TSPAN11: variants seen among roughly 807,000 people sequenced by gnomAD.
TSPAN11 encodes the protein tetraspanin 11.
In TSPAN11, 29 loss-of-function variants were observed where a neutral mutation model predicts 32.9. The observed-to-expected ratio is 0.88, with a 90% CI of 0.66 to 1.20. The LOEUF (loss-of-function observed/expected upper bound fraction) is 1.20. TSPAN11 is among the 50% of genes most tolerant of loss of function. The pLI is 0.00. For missense variants in TSPAN11, 283 were observed against 329.1 expected (o/e 0.86, Z 1.08); for synonymous variants, 140 against 141.3 (o/e 0.99, Z 0.07).
Position 30,996,051 on chromosome 12 carries a change from G to C in TSPAN11, c.*4136G>C, listed in dbSNP as rs1259887290. On this transcript the variant is annotated 3_prime_UTR_variant, in exon 8 of 8. Coordinates refer to ENST00000546076, the MANE Select transcript of TSPAN11 (RefSeq NM_001370302.1). Reference sequence around the variant, plus strand: ...ATTCCCGACTCGCTCCACCATTGGGGGCTAGGAGTGAAGCGTGTCACCATG... The same window carrying C: ...ATTCCCGACTCGCTCCACCATTGGGCGCTAGGAGTGAAGCGTGTCACCATG... The C allele has an allele frequency of 6.6e-6, 1 of 152,312 alleles. No homozygotes were observed. The highest frequency in any genetic ancestry group is 2.4e-5 in the African/African-American group (1 of 41,438). The allele number at this position is 152,312 out of a possible 1,614,324, so 9.4% of individuals were successfully genotyped here.
At chr12:30,966,042 T>G in intron 3 of TSPAN11, among the ~76,000 whole-genome samples, 1 of 150,162 alleles carries the variant, frequency 6.7e-6, no homozygotes, top group Non-Finnish European at 1.5e-5. Flanking sequence ...TTTTAGCTGA[T>G]CAGCTGTCGT....
At chr12:30,971,106 G>T (rs1273339042) in intron 3 of TSPAN11, among the ~76,000 whole-genome samples, 2 of 152,088 alleles carry the variant, frequency 1.3e-5, no homozygotes, top group African/African-American at 4.8e-5. Flanking sequence ...TTTGGCTGTT[G>T]ATGCCCTGTT....
the TSPAN11 span, among the ~76,000 whole-genome samples, chr12:31,014,722 C>T: frequency 1.3e-5 from 2 of 152,288 alleles, no homozygotes; most frequent in Admixed American, 1.3e-4. Flanking sequence ...CAGTAACCAG[C>T]CCCTCCTGTG....
rs1363281963 is a variant in TSPAN11 at position 30,993,784 on chromosome 12, GAA to G, written c.*1871_*1872del. On this transcript the variant is annotated 3_prime_UTR_variant, in exon 8 of 8. Transcript: ENST00000546076. ...GACAGAGGGAGAGTGGTGAGAGAGAGAAAGAGGGTACTGGGCTAGAGCCATGT... is the reference window on the plus strand; with the variant it reads ...GACAGAGGGAGAGTGGTGAGAGAGAGAGAGGGTACTGGGCTAGAGCCATGT... 1 of 152,340 alleles carries G rather than the reference GAA, an allele frequency of 6.6e-6. No homozygotes were observed. The highest frequency in any genetic ancestry group is 1.9e-4 in the East Asian group (1 of 5,202). 9.4% of individuals were successfully genotyped at this position (152,340 alleles called of 1,614,324 possible). A position where few individuals can be genotyped will look rare whatever the true frequency, so the allele number is the denominator to read the frequency against.
chr12:30,960,613 A>C (rs928941689), intron 2 of TSPAN11, among the ~76,000 whole-genome samples: 2 of 151,982 alleles, frequency 1.3e-5, no homozygotes, highest in Non-Finnish European at 2.9e-5. Flanking sequence ...CTTTCCTATG[A>C]ACATAAAGTT....
At chr12:30,931,241 C>G (rs928778620) in intron 1 of TSPAN11, among the ~76,000 whole-genome samples, 3 of 152,022 alleles carry the variant, frequency 2.0e-5, no homozygotes, top group Admixed American at 2.0e-4. Flanking sequence ...GATTAATAAT[C>G]AAAGACCCTA....
chr12:30,967,804 A>T (rs1282901515), intron 3 of TSPAN11, among the ~76,000 whole-genome samples: 1 of 151,964 alleles, frequency 6.6e-6, no homozygotes, highest in Non-Finnish European at 1.5e-5. Flanking sequence ...ATGGCCTAGA[A>T]TCTGCTTTCT....
downstream of TSPAN11, chr12:30,997,443 G>A (rs2140319530): frequency 6.5e-6 from 1 of 152,682 alleles, no homozygotes; most frequent in East Asian, 1.9e-4. Flanking sequence ...GCATGGCTGG[G>A]AGGCCTCAGG....
chr12:30,955,286 A>G (rs141570460), intron 2 of TSPAN11: 3 of 152,346 alleles, frequency 2.0e-5, no homozygotes, highest in Admixed American at 6.5e-5. Flanking sequence ...GTTTCCTGCA[A>G]TAGTGAAGTT....
At chr12:30,986,490 G>T (rs1264815235) in intron 7 of TSPAN11, among the ~76,000 whole-genome samples, 1 of 152,178 alleles carries the variant, frequency 6.6e-6, no homozygotes, top group East Asian at 1.9e-4. Flanking sequence ...CTAGCATGAC[G>T]GCCTCCCCTC....
At chr12:30,989,663 T>C (rs1203959716) in intron 7 of TSPAN11, among the ~76,000 whole-genome samples, 1 of 152,062 alleles carries the variant, frequency 6.6e-6, no homozygotes, top group Admixed American at 6.6e-5. Context: ...GCTTGCAAGA[T>C]GGTAACATGT....
chr12:30,993,629 C>G lies in TSPAN11; in HGVS notation c.*1714C>G, dbSNP rs535862420. On this transcript the variant is annotated 3_prime_UTR_variant, in exon 8 of 8. Coordinates refer to ENST00000546076, the MANE Select transcript of TSPAN11 (RefSeq NM_001370302.1). Reference sequence around the variant, plus strand: ...CCAGATATCCCAGACTGCACAGAGGCCGAGAGAAATGGTATAGTGCGTGAT... The same window carrying G: ...CCAGATATCCCAGACTGCACAGAGGGCGAGAGAAATGGTATAGTGCGTGAT... 6.6e-6 allele frequency: 1 copy of G among 152,360 alleles called. No individual in the cohort carries two copies. Among genetic ancestry groups the G allele is most frequent in the African/African-American group, 2.4e-5 (1 of 41,574 alleles). 9.4% of individuals were successfully genotyped at this position (152,360 alleles called of 1,614,324 possible). A position where few individuals can be genotyped will look rare whatever the true frequency, so the allele number is the denominator to read the frequency against.
chr12:30,977,207 T>G (rs780609261), intron 3 of TSPAN11, among the ~76,000 whole-genome samples: 2 of 152,222 alleles, frequency 1.3e-5, no homozygotes, highest in African/African-American at 2.4e-5. Flanking sequence ...TGCTGAGTCG[T>G]GCAGGAGATG....
the TSPAN11 span, among the ~76,000 whole-genome samples, chr12:31,007,820 A>C: frequency 1.3e-5 from 2 of 152,138 alleles, no homozygotes; most frequent in Non-Finnish European, 2.9e-5. Flanking sequence ...CAGGGACAAC[A>C]TGTCAGTTCC....
At chr12:30,991,330 G>A (rs887927994) in intron 7 of TSPAN11, among the ~76,000 whole-genome samples, 8 of 152,178 alleles carry the variant, frequency 5.3e-5, no homozygotes, top group East Asian at 1.9e-4. Flanking sequence ...CCAGAGCATC[G>A]AAGATGGACC....
At position 30,955,937 on chromosome 12, in the gene TSPAN11, C is replaced by T. The variant is rs193069687; in HGVS notation, c.84+1862C>T. On this transcript the variant is annotated intron_variant, in intron 2 of 7. Transcript: ENST00000546076. The stretch of plus-strand genomic sequence containing the variant: ...TCACAGGTACCAAGGGTAAGGATTT[C>T]GACATATCTTTTGGGGGACCCAGTC... Among the ~76,000 whole-genome samples, 39 of 152,326 alleles carry T rather than the reference C, an allele frequency of 2.6e-4. No individual in the cohort carries two copies. In the South Asian group the frequency reaches 2.9e-3, roughly 11 times the overall value.
intron 7 of TSPAN11, among the ~76,000 whole-genome samples, chr12:30,987,212 A>G (rs575450756): frequency 2.6e-5 from 4 of 152,310 alleles, no homozygotes; most frequent in African/African-American, 9.6e-5. Flanking sequence ...GAAATCATGG[A>G]GAGAGTCAGG....
At chr12:30,980,227 C>T (rs1373339397) in intron 5 of TSPAN11, among the ~76,000 whole-genome samples, 1 of 152,232 alleles carries the variant, frequency 6.6e-6, no homozygotes, top group African/African-American at 2.4e-5. Flanking sequence ...CAGGGACACC[C>T]ACTGGCCTGA....
intron 1 of TSPAN11, among the ~76,000 whole-genome samples, chr12:30,935,525 A>G (rs1389089824): frequency 6.6e-6 from 1 of 151,926 alleles, no homozygotes; most frequent in African/African-American, 2.4e-5. Context: ...CTGGGATTAC[A>G]GGCACCCACC....
Sources: allele counts gnomAD v4.1 joint callset (sites outside exome capture counted in the v4.1 genomes callset), GRCh38; gene constraint gnomAD v4.1.1; transcripts MANE v1.5; gene names NCBI Gene and HGNC (gene_info 2026-07-23, HGNC 2026-07-21).